The following SLC4A10 variants were observed in gnomAD, a reference collection of about 807,000 sequenced individuals.
The protein encoded by SLC4A10 is sodium-driven chloride bicarbonate exchanger.
A neutral mutation model predicts 137.7 loss-of-function variants in SLC4A10; 42 were observed. The observed-to-expected ratio is 0.30, with a 90% CI of 0.24 to 0.39. SLC4A10 has a LOEUF of 0.39. Among genes scored for constraint, SLC4A10 ranks in the 10% least tolerant of loss-of-function variants. The probability of loss-of-function intolerance (pLI) is 1.00; values close to 1 mark genes in which losing one functional copy is unlikely to be tolerated. For synonymous variants in SLC4A10, 474 were observed against 464.1 expected (o/e 1.02, Z -0.27); for missense variants, 925 against 1,355.0 (o/e 0.68, Z 4.98).
At chr2:161,742,238 G>A (rs769499500) in intron 1 of SLC4A10, among the ~76,000 whole-genome samples, 1 of 152,022 alleles carries the variant, frequency 6.6e-6, no homozygotes, top group Admixed American at 6.6e-5. Context: ...GATGGACACA[G>A]GTTGATTTGA....
chr2:161,765,005 ACT>A (rs2050645897), intron 1 of SLC4A10, among the ~76,000 whole-genome samples: 1 of 152,082 alleles, frequency 6.6e-6, no homozygotes, highest in African/African-American at 2.4e-5. Flanking sequence ...AGTTACTGTT[ACT>A]CTGTTCCAGG....
chr2:161,803,640 T>C (rs895857287), intron 2 of SLC4A10, among the ~76,000 whole-genome samples: 16 of 152,178 alleles, frequency 1.1e-4, no homozygotes, highest in African/African-American at 3.9e-4. Context: ...AAAACCATCT[T>C]CTTTCACCTA....
intron 1 of SLC4A10, among the ~76,000 whole-genome samples, chr2:161,720,017 T>C (rs2045452570): frequency 6.6e-6 from 1 of 152,230 alleles, no homozygotes; most frequent in East Asian, 1.9e-4. Context: ...CTAGGGTTTT[T>C]ATGGTTTTAG....
intron 1 of SLC4A10, among the ~76,000 whole-genome samples, chr2:161,727,642 T>C (rs1371270803): frequency 6.6e-6 from 1 of 151,890 alleles, no homozygotes; most frequent in South Asian, 2.1e-4. Context: ...TTCTTGGAAA[T>C]TGAAAACATG....
chr2:161,940,729 C>T (rs966725583), intron 15 of SLC4A10, among the ~76,000 whole-genome samples: 1 of 152,110 alleles, frequency 6.6e-6, no homozygotes, highest in Admixed American at 6.5e-5. Context: ...CAAGCTAAAC[C>T]AGATTAGCTA....
intron 6 of SLC4A10, among the ~76,000 whole-genome samples, chr2:161,864,387 G>A (rs948222951): frequency 1.3e-5 from 2 of 152,046 alleles, no homozygotes; most frequent in Non-Finnish European, 2.9e-5. Flanking sequence ...ATGAAAATTA[G>A]TTTTCTTCAG....
intron 4 of SLC4A10, among the ~76,000 whole-genome samples, chr2:161,840,448 A>G (rs939655520): frequency 1.3e-5 from 2 of 152,200 alleles, no homozygotes; most frequent in East Asian, 1.9e-4. Context: ...CACTTTTTCT[A>G]TCATTTGTAA....
chr2:161,775,211 C>T (rs1202788241), intron 2 of SLC4A10, among the ~76,000 whole-genome samples: 1 of 151,888 alleles, frequency 6.6e-6, no homozygotes, highest in Non-Finnish European at 1.5e-5. Flanking sequence ...GCACCAATTG[C>T]AGCTGCCATA....
At chr2:161,765,932 T>C (rs2050755769) in intron 1 of SLC4A10, among the ~76,000 whole-genome samples, 3 of 152,126 alleles carry the variant, frequency 2.0e-5, no homozygotes, top group Admixed American at 2.0e-4. Flanking sequence ...GGAAGGGAAA[T>C]GCTCTATTAA....
At chr2:161,649,327 C>T (rs914712001) in intron 1 of SLC4A10, among the ~76,000 whole-genome samples, 1 of 152,202 alleles carries the variant, frequency 6.6e-6, no homozygotes, top group African/African-American at 2.4e-5. Context: ...TGCCATTGCA[C>T]TCCAGCCTGG....
chr2:161,754,566 G>T (rs545767060), intron 1 of SLC4A10, among the ~76,000 whole-genome samples: 117 of 152,234 alleles, frequency 7.7e-4, no homozygotes, highest in African/African-American at 2.6e-3. Context: ...GACAGTGGTG[G>T]CTAATTGCAT....
intron 21 of SLC4A10, among the ~76,000 whole-genome samples, chr2:161,959,571 A>G (rs1259899051): frequency 6.6e-6 from 1 of 152,176 alleles, no homozygotes; most frequent in African/African-American, 2.4e-5. Context: ...GTGTCCTCAA[A>G]CCATGGAATG....
At chr2:161,745,175 T>G (rs1175233399) in intron 1 of SLC4A10, among the ~76,000 whole-genome samples, 1 of 152,200 alleles carries the variant, frequency 6.6e-6, no homozygotes, top group African/African-American at 2.4e-5. Flanking sequence ...ACCTTCTCTT[T>G]AAGGTCAATA....
intron 1 of SLC4A10, among the ~76,000 whole-genome samples, chr2:161,629,747 A>G (rs988722815): frequency 6.6e-6 from 1 of 151,582 alleles, no homozygotes; most frequent in Non-Finnish European, 1.5e-5. Context: ...TGACTTTTTT[A>G]CTTTCTTCAT....
intron 2 of SLC4A10, among the ~76,000 whole-genome samples, chr2:161,786,580 A>G (rs2053650501): frequency 6.6e-6 from 1 of 151,708 alleles, no homozygotes; most frequent in African/African-American, 2.4e-5. Context: ...ATAAAAGAGT[A>G]TACTCTTTTC....
chr2:161,879,563 T>G (rs1445412960), intron 9 of SLC4A10, among the ~76,000 whole-genome samples: 1 of 151,468 alleles, frequency 6.6e-6, no homozygotes, highest in East Asian at 1.9e-4. Context: ...TTTTTTTTTT[T>G]TTTACATTTT....
rs569430534 is a variant in SLC4A10, at chr2:161,817,795, T to A, written c.277+13200T>A. ...GTCAAAGATCAGATAGTTGTAGATATGCGGCATTATTTCTGAGGGCTCTGT... is the reference window on the plus strand; with the variant it reads ...GTCAAAGATCAGATAGTTGTAGATAAGCGGCATTATTTCTGAGGGCTCTGT... On this transcript the variant is annotated intron_variant, in intron 3 of 26. Transcript: ENST00000446997. 3.2e-3 allele frequency among the ~76,000 whole-genome samples: 483 copies of A among 152,170 alleles called. 4 individuals are homozygous for A. The highest frequency in any genetic ancestry group is 0.011 in the African/African-American group (455 of 41,566).
intron 21 of SLC4A10, 137 bp from the exon 22 acceptor site, chr2:161,963,998 T>C: frequency 3.2e-6 from 2 of 630,448 alleles, no homozygotes; most frequent in Non-Finnish European, 2.7e-6. Flanking sequence ...TCCCATTGTC[T>C]TGATGCCGAG....
chr2:161,877,188 C>G (rs13397292), intron 8 of SLC4A10, among the ~76,000 whole-genome samples: 2,470 of 152,068 alleles, frequency 0.016, 67 homozygotes, highest in African/African-American at 0.056. Context: ...CACAGACTTT[C>G]ATAGTTAAGA....
Sources: gnomAD v4.1 joint callset for allele counts (sites outside exome capture counted in the v4.1 genomes callset) on GRCh38, gnomAD v4.1.1 for gene constraint, MANE v1.5 for transcripts, NCBI Gene and HGNC (gene_info 2026-07-23, HGNC 2026-07-21) for gene names.